JARID2: variants seen among roughly 807,000 people sequenced by gnomAD.
The protein encoded by JARID2 is protein Jumonji.
A neutral mutation model predicts 125.6 loss-of-function variants in JARID2; 21 were observed. That is an observed-to-expected ratio of 0.17 (90% confidence interval 0.12 to 0.24). The LOEUF is 0.24. Among genes scored for constraint, JARID2 ranks in the 10% least tolerant of loss-of-function variants. The pLI is 1.00. For synonymous variants in JARID2, 736 were observed against 661.6 expected, an observed-to-expected ratio of 1.11 and a Z score of -1.73; for missense variants, 1,303 against 1,639.6, an observed-to-expected ratio of 0.79 and a Z score of 3.55.
At chr6:15,285,836 A>G (rs1228216365) in intron 1 of JARID2, among the ~76,000 whole-genome samples, 5 of 152,176 alleles carry the variant, frequency 3.3e-5, no homozygotes, top group African/African-American at 4.8e-5. Flanking sequence ...AGCCTTTGGA[A>G]TCTTGTATAA....
intron 6 of JARID2, among the ~76,000 whole-genome samples, chr6:15,489,111 GAGAAAGAC>G (rs938587100): frequency 6.6e-6 from 1 of 152,210 alleles, no homozygotes; most frequent in Non-Finnish European, 1.5e-5. Context: ...GCAACCCAGG[GAGAAAGAC>G]AGAAAGACAG....
intron 1 of JARID2, among the ~76,000 whole-genome samples, chr6:15,250,155 A>G (rs939803716): frequency 6.6e-6 from 1 of 152,230 alleles, no homozygotes; most frequent in African/African-American, 2.4e-5. Context: ...TTGTACCACT[A>G]GGCTGTAAGT....
intron 3 of JARID2, among the ~76,000 whole-genome samples, chr6:15,430,230 G>A (rs925150091): frequency 2.6e-5 from 4 of 152,142 alleles, no homozygotes; most frequent in African/African-American, 9.7e-5. Context: ...GGTACAAGAT[G>A]TACTTTTGCT....
intron 3 of JARID2, among the ~76,000 whole-genome samples, chr6:15,450,413 A>G (rs988942633): frequency 2.0e-5 from 3 of 152,052 alleles, no homozygotes; most frequent in Non-Finnish European, 2.9e-5. Context: ...CAGATGATCC[A>G]CCCACATCGG....
At chr6:15,451,867 A>G (rs1767934962) in intron 3 of JARID2, 139 bp from the exon 4 acceptor site, 2 of 812,718 alleles carry the variant, frequency 2.5e-6, no homozygotes, top group Admixed American at 5.9e-5. Flanking sequence ...AGTGTGAGAG[A>G]TATAGAACCT....
intron 1 of JARID2, among the ~76,000 whole-genome samples, chr6:15,313,695 A>G (rs1363718774): frequency 1.3e-5 from 2 of 152,180 alleles, no homozygotes; most frequent in Non-Finnish European, 2.9e-5. Flanking sequence ...AAGAACAGGA[A>G]GTCTTGGTGG....
At chr6:15,384,614 G>A (rs1006605821) in intron 2 of JARID2, among the ~76,000 whole-genome samples, 1 of 152,090 alleles carries the variant, frequency 6.6e-6, no homozygotes, top group Non-Finnish European at 1.5e-5. Flanking sequence ...TTTAGAGACA[G>A]TGTCTTGCTA....
intron 3 of JARID2, among the ~76,000 whole-genome samples, chr6:15,411,106 T>A (rs1765856892): frequency 6.6e-6 from 1 of 152,232 alleles, no homozygotes; most frequent in Non-Finnish European, 1.5e-5. Flanking sequence ...TATTTCCCTT[T>A]GTTCTCTTTA....
chr6:15,412,826 A>G (rs943373044), intron 3 of JARID2, among the ~76,000 whole-genome samples: 4 of 152,058 alleles, frequency 2.6e-5, no homozygotes, highest in African/African-American at 7.3e-5. Context: ...CACATACAGA[A>G]TGCCTTTTCT....
At chr6:15,504,124 G>A (rs986922687) in intron 8 of JARID2, among the ~76,000 whole-genome samples, 19 of 147,856 alleles carry the variant, frequency 1.3e-4, no homozygotes, top group African/African-American at 4.4e-4. Flanking sequence ...TAGCTTCTCC[G>A]CTGGCCCGCA....
In JARID2 at chr6:15,327,143, G is replaced by A. The variant is rs182212837; in HGVS notation, c.46-46974G>A. ...TTTTTTCTCCCCTTTCTCTTACTCT[G>A]TTAGCCTCCTTCCTCCTTTTCTTTT... On this transcript the variant is annotated intron_variant, in intron 1 of 17. Coordinates refer to ENST00000341776, the MANE Select transcript of JARID2 (RefSeq NM_004973.4). Among the ~76,000 whole-genome samples the A allele has an allele frequency of 4.8e-3, 730 of 152,216 alleles. 5 individuals are homozygous for A. The highest frequency in any genetic ancestry group is 7.7e-3 in the Non-Finnish European group (521 of 68,008).
intron 5 of JARID2, among the ~76,000 whole-genome samples, chr6:15,473,586 G>T (rs115848191): frequency 6.8e-6 from 1 of 147,476 alleles, no homozygotes; most frequent in Non-Finnish European, 1.5e-5. Context: ...TAAGAGGGGG[G>T]TGGTGTGATC....
intron 1 of JARID2, among the ~76,000 whole-genome samples, chr6:15,364,401 T>C (rs1763903419): frequency 6.6e-6 from 1 of 152,196 alleles, no homozygotes; most frequent in Non-Finnish European, 1.5e-5. Context: ...TTTGTAGTGA[T>C]TTCCTTAGAA....
intron 1 of JARID2, among the ~76,000 whole-genome samples, chr6:15,355,937 A>G (rs1763584729): frequency 6.6e-6 from 1 of 152,094 alleles, no homozygotes; most frequent in Non-Finnish European, 1.5e-5. Flanking sequence ...GAACTTTTTC[A>G]TCACTCTCAA....
At chr6:15,335,534 C>T (rs891538010) in intron 1 of JARID2, among the ~76,000 whole-genome samples, 1 of 152,216 alleles carries the variant, frequency 6.6e-6, no homozygotes, top group African/African-American at 2.4e-5. Context: ...TCTGCTCTTC[C>T]TTCACATCTG....
intron 3 of JARID2, among the ~76,000 whole-genome samples, chr6:15,427,729 G>C (rs1480401807): frequency 1.3e-5 from 2 of 152,098 alleles, no homozygotes; most frequent in Admixed American, 6.6e-5. Flanking sequence ...TCCTTAGTGT[G>C]AATGTGTAGA....
At chr6:15,292,267 C>T (rs1477346806) in intron 1 of JARID2, among the ~76,000 whole-genome samples, 4 of 152,048 alleles carry the variant, frequency 2.6e-5, no homozygotes, top group Admixed American at 6.6e-5. Context: ...GTGATCCGCC[C>T]GCCTCAGCCT....
At chr6:15,513,881 CT>C (rs1272117049) in intron 16 of JARID2, among the ~76,000 whole-genome samples, 1 of 152,238 alleles carries the variant, frequency 6.6e-6, no homozygotes, top group Non-Finnish European at 1.5e-5. Context: ...TTTCCTGGTC[CT>C]GCTCAGCTAC....
At chr6:15,408,162 G>A (rs1765725369) in intron 2 of JARID2, among the ~76,000 whole-genome samples, 1 of 152,002 alleles carries the variant, frequency 6.6e-6, no homozygotes, top group African/African-American at 2.4e-5. Flanking sequence ...TGAGGCAGGA[G>A]GATTTCTCCA....
Sources: allele counts gnomAD v4.1 joint callset (sites outside exome capture counted in the v4.1 genomes callset), GRCh38; gene constraint gnomAD v4.1.1; transcripts MANE v1.5; gene names NCBI Gene and HGNC (gene_info 2026-07-23, HGNC 2026-07-21).